The following ARFGEF2 variants were observed in gnomAD, a reference collection of about 807,000 sequenced individuals.
ARFGEF2 encodes brefeldin A-inhibited guanine nucleotide-exchange protein 2.
A neutral mutation model predicts 219.9 loss-of-function variants in ARFGEF2; 74 were observed. That is an observed-to-expected ratio of 0.34 (90% CI 0.28 to 0.41). The LOEUF (loss-of-function observed/expected upper bound fraction) is 0.41. Among genes scored for constraint, ARFGEF2 ranks in the 10% least tolerant of loss-of-function variants. The pLI is 1.00. For synonymous variants in ARFGEF2, 733 were observed against 799.2 expected (o/e 0.92, Z 1.40); for missense variants, 1,743 against 2,218.3 (o/e 0.79, Z 4.30).
chr20:48,938,040 A>G (rs543748843), intron 1 of ARFGEF2, among the ~76,000 whole-genome samples: 3 of 152,306 alleles, frequency 2.0e-5, no homozygotes, highest in African/African-American at 7.2e-5. Flanking sequence ...TGCTTGTTCG[A>G]GAGTCGAGGT....
At chr20:48,939,720 T>G (rs1351399453) in intron 1 of ARFGEF2, among the ~76,000 whole-genome samples, 1 of 152,240 alleles carries the variant, frequency 6.6e-6, no homozygotes. Flanking sequence ...TGTTTTCTTA[T>G]GTGTGTAATA....
intron 37 of ARFGEF2, among the ~76,000 whole-genome samples, chr20:49,029,665 C>T (rs902859227): frequency 6.6e-6 from 1 of 151,302 alleles, no homozygotes; most frequent in African/African-American, 2.4e-5. Context: ...AATCTCAGCT[C>T]ACTGCAAGGT....
chr20:48,946,605 A>C (rs2123332864), intron 3 of ARFGEF2, among the ~76,000 whole-genome samples: 1 of 151,182 alleles, frequency 6.6e-6, no homozygotes, highest in Admixed American at 6.6e-5. Context: ...GCTTCCGAAA[A>C]CCCCGACTTC....
chr20:48,963,175 C>CAAAAAAAAAAAAAAAAA (rs71337478), intron 6 of ARFGEF2, among the ~76,000 whole-genome samples: 9 of 110,826 alleles, frequency 8.1e-5, no homozygotes, highest in African/African-American at 2.9e-4. Flanking sequence ...AACTCTGTCT[C>CAAAAAAAAAAAAAAAAA]AAAAAAAAAA....
chr20:49,011,322 T>C (rs1359228504), intron 27 of ARFGEF2, among the ~76,000 whole-genome samples: 1 of 152,192 alleles, frequency 6.6e-6, no homozygotes, highest in East Asian at 1.9e-4. Flanking sequence ...AGAGCCATGG[T>C]TCAGTATTCT....
intron 36 of ARFGEF2, 41 bp downstream of exon 36, chr20:49,025,522 C>T: frequency 6.2e-7 from 1 of 1,610,960 alleles, no homozygotes; most frequent in Non-Finnish European, 8.5e-7. Context: ...CCACACTGGT[C>T]ACCTTCCTAA....
intron 38 of ARFGEF2, among the ~76,000 whole-genome samples, chr20:49,032,437 T>C (rs1253030239): frequency 6.6e-5 from 10 of 152,142 alleles, no homozygotes; most frequent in Admixed American, 5.2e-4. Context: ...TGAGTTTCAG[T>C]GCAGGAAGAG....
Position 49,026,042 on chromosome 20 carries a change from AAC to A in ARFGEF2, c.4924+563_4924+564del, listed in dbSNP as rs1217313348. Among the ~76,000 whole-genome samples, 4 of 151,732 alleles carry A rather than the reference AAC, an allele frequency of 2.6e-5. No homozygotes were observed. The East Asian group carries it at 5.8e-4, about 22-fold the overall frequency. ...GAATTGAATTGATCTAGCAAGTCAA[AAC>A]ATTTTATGGGCTGGGTGCGGTGGCT... On this transcript the variant is annotated intron_variant, in intron 36 of 38. Transcript: ENST00000371917.
intron 34 of ARFGEF2, among the ~76,000 whole-genome samples, chr20:49,021,056 T>TA (rs113625313): frequency 4.1e-4 from 61 of 149,000 alleles, no homozygotes; most frequent in African/African-American, 9.5e-4. Context: ...TCCACTGTAT[T>TA]AAAAAAAAAA....
In ARFGEF2 at chr20:49,027,364, G is replaced by A. The variant is rs2123571809; in HGVS notation, c.4925-1166G>A. Among the ~76,000 whole-genome samples, 4 of 152,192 alleles carry A rather than the reference G, an allele frequency of 2.6e-5. No homozygotes were observed. The Middle Eastern group carries it at 0.014, about 518-fold the overall frequency. On this transcript the variant is annotated intron_variant, in intron 36 of 38. Transcript: ENST00000371917. Reference sequence around the variant, plus strand: ...TCTTAAGAGCTGTTACATTTGAAAAGACAAAACTAATGGTTTCGCCAGCCA... The same window carrying A: ...TCTTAAGAGCTGTTACATTTGAAAAAACAAAACTAATGGTTTCGCCAGCCA...
chr20:48,981,353 A>G (rs561686148), intron 14 of ARFGEF2, among the ~76,000 whole-genome samples: 9 of 152,286 alleles, frequency 5.9e-5, no homozygotes, highest in South Asian at 2.1e-4. Flanking sequence ...GAGATCCGCT[A>G]TTAGTCTGAT....
intron 8 of ARFGEF2, among the ~76,000 whole-genome samples, chr20:48,968,896 A>C (rs1042015790): frequency 3.3e-5 from 5 of 152,130 alleles, no homozygotes; most frequent in South Asian, 4.1e-4. Context: ...TAAATAGAAG[A>C]ATTTGAATTT....
In ARFGEF2 at chr20:48,950,811, AATAT is replaced by A. The variant is rs71184245; in HGVS notation, c.277-479_277-476del. Among the ~76,000 whole-genome samples, 413 of 64,414 alleles carry A rather than the reference AATAT, an allele frequency of 6.4e-3. 8 individuals are homozygous for A. Among genetic ancestry groups the A allele is most frequent in the Middle Eastern group, 0.022 (2 of 92 alleles). 42.3% of individuals were successfully genotyped at this position (64,414 alleles called of 152,430 possible). A position where few individuals can be genotyped will look rare whatever the true frequency, so the allele number is the denominator to read the frequency against. On this transcript the variant is annotated intron_variant, in intron 3 of 38. Coordinates refer to ENST00000371917, the MANE Select transcript of ARFGEF2 (RefSeq NM_006420.3). ...ACCCTGTCTAAAAAAAAAAAAAAAA[AATAT>A]ATATATATATATATATATATATATA... is the stretch of plus-strand genomic sequence containing the variant.
At chr20:48,931,553 A>G (rs1297179129) in intron 1 of ARFGEF2, among the ~76,000 whole-genome samples, 1 of 152,188 alleles carries the variant, frequency 6.6e-6, no homozygotes, top group Non-Finnish European at 1.5e-5. Flanking sequence ...AGAACAAACC[A>G]GGTAAGGAGA....
At chr20:48,929,669 A>G (rs1222530588) in intron 1 of ARFGEF2, among the ~76,000 whole-genome samples, 4 of 152,322 alleles carry the variant, frequency 2.6e-5, no homozygotes, top group Admixed American at 2.6e-4. Context: ...AGAATTAATG[A>G]TGAGTGAGAA....
rs1421570865 is a variant in ARFGEF2, at chr20:48,988,007, C to T, written c.2277-297C>T. 2.6e-5 allele frequency among the ~76,000 whole-genome samples: 4 copies of T among 152,214 alleles called. No individual in the cohort carries two copies. In the South Asian group the frequency reaches 6.2e-4, roughly 24 times the overall value. ...TTCACCATGTTGGCCAGGCTGGTCT[C>T]GAACTCCTGACCTCAGGTGATCCAC... On this transcript the variant is annotated intron_variant, in intron 16 of 38. Coordinates refer to ENST00000371917, the MANE Select transcript of ARFGEF2 (RefSeq NM_006420.3).
In ARFGEF2 at chr20:48,928,636, A is replaced by G. The variant is rs184356954; in HGVS notation, c.121+6626A>G. Among the ~76,000 whole-genome samples, 287 of 149,414 alleles carry G rather than the reference A, an allele frequency of 1.9e-3. 1 individual carries two copies. Among genetic ancestry groups the G allele is most frequent in the African/African-American group, 6.8e-3 (274 of 40,566 alleles). On this transcript the variant is annotated intron_variant, in intron 1 of 38. Coordinates refer to ENST00000371917, the MANE Select transcript of ARFGEF2 (RefSeq NM_006420.3). ...CAGCCTCCCAAGTAGCTGGGACCAC[A>G]GGCGCCCGCCACCACACCCAGCTAA... is the stretch of plus-strand genomic sequence containing the variant.
chr20:48,921,857 C>G lies in ARFGEF2; in HGVS notation c.-33C>G. The stretch of plus-strand genomic sequence containing the variant: ...CGCCATCTCGCTCACGCCGCCCGCC[C>G]GCGGGGCCGTCAGCCCCCGCCGGGC... On this transcript the variant is annotated 5_prime_UTR_variant, in exon 1 of 39. Coordinates refer to ENST00000371917, the MANE Select transcript of ARFGEF2 (RefSeq NM_006420.3). 1 of 1,504,872 alleles carries G rather than the reference C, an allele frequency of 6.6e-7. No homozygotes were observed. Among genetic ancestry groups the G allele is most frequent in the Admixed American group, 2.1e-5 (1 of 46,842 alleles). The allele number at this position is 1,504,872 out of a possible 1,614,324, so 93.2% of individuals were successfully genotyped here. A position where few individuals can be genotyped will look rare whatever the true frequency, so the allele number is the denominator to read the frequency against.
chr20:48,969,085 G>A, intron 8 of ARFGEF2, 62 bp from the exon 9 acceptor site: 3 of 1,572,086 alleles, frequency 1.9e-6, no homozygotes, highest in Non-Finnish European at 2.6e-6. Context: ...CTCAGCCTCT[G>A]GAGTAGCTGG....
Sources: gnomAD v4.1 joint callset for allele counts (sites outside exome capture counted in the v4.1 genomes callset) on GRCh38, gnomAD v4.1.1 for gene constraint, MANE v1.5 for transcripts, NCBI Gene and HGNC (gene_info 2026-07-23, HGNC 2026-07-21) for gene names.